Variants in SIPA1L3 observed in about 807,000 individuals in gnomAD.
The protein encoded by SIPA1L3 is signal induced proliferation associated 1 like 3, also known as signal-induced proliferation-associated 1-like protein 3.
Under a neutral mutation model 150.1 loss-of-function variants are expected in SIPA1L3, and 59 were observed. That is an observed-to-expected ratio of 0.39 (90% CI 0.32 to 0.49). The LOEUF is 0.49. Among genes scored for constraint, SIPA1L3 ranks in the 20% least tolerant of loss-of-function variants. SIPA1L3 has a pLI of 0.86. For missense variants in SIPA1L3, 2,211 were observed against 2,489.5 expected (o/e 0.89, Z 2.38); for synonymous variants, 1,070 against 1,077.6 (o/e 0.99, Z 0.14).
chr19:38,007,446 TG>T (rs1967975160), intron 1 of SIPA1L3, among the ~76,000 whole-genome samples: 1 of 111,764 alleles, frequency 8.9e-6, no homozygotes, highest in Non-Finnish European at 1.7e-5. Context: ...AGTGAAACTC[TG>T]TCTCAAAAAA....
intron 8 of SIPA1L3, among the ~76,000 whole-genome samples, chr19:38,111,412 C>T (rs536130830): frequency 2.1e-4 from 32 of 152,250 alleles, no homozygotes; most frequent in African/African-American, 4.6e-4. Flanking sequence ...GTGGAGTCAT[C>T]TCCTGTCCTC....
At chr19:37,914,520 C>T (rs1220975071) in intron 1 of SIPA1L3, among the ~76,000 whole-genome samples, 1 of 151,938 alleles carries the variant, frequency 6.6e-6, no homozygotes, top group Non-Finnish European at 1.5e-5. Context: ...CAGGAATGTG[C>T]CACCACACCT....
chr19:37,981,791 A>G (rs1967209789), intron 1 of SIPA1L3, among the ~76,000 whole-genome samples: 1 of 152,160 alleles, frequency 6.6e-6, no homozygotes, highest in Non-Finnish European at 1.5e-5. Context: ...TATTTAGGAA[A>G]GGAGGCCCTG....
At chr19:38,060,881 G>A (rs1039160435) in intron 2 of SIPA1L3, among the ~76,000 whole-genome samples, 4 of 152,196 alleles carry the variant, frequency 2.6e-5, no homozygotes, top group South Asian at 2.1e-4. Flanking sequence ...TAGTAGAGAC[G>A]GGATTTCATC....
intron 1 of SIPA1L3, among the ~76,000 whole-genome samples, chr19:37,987,220 G>A (rs1157449812): frequency 2.0e-5 from 3 of 152,062 alleles, no homozygotes; most frequent in Non-Finnish European, 4.4e-5. Flanking sequence ...GAGCCACCGC[G>A]CCCGGACACA....
chr19:38,029,435 G>C (rs1011403703), intron 2 of SIPA1L3, among the ~76,000 whole-genome samples: 2 of 152,164 alleles, frequency 1.3e-5, no homozygotes, highest in Non-Finnish European at 2.9e-5. Flanking sequence ...GCTATGCAGT[G>C]CTTCTTGGCT....
At chr19:38,151,868 T>G (rs1971831155) in intron 12 of SIPA1L3, among the ~76,000 whole-genome samples, 1 of 140,748 alleles carries the variant, frequency 7.1e-6, no homozygotes, top group Non-Finnish European at 1.5e-5. Flanking sequence ...GAGGCTGAAG[T>G]GGGAGGATCG....
At position 38,110,383 on chromosome 19, in the gene SIPA1L3, A is replaced by G; in HGVS notation, c.2290A>G (p.Ser764Gly). Residue 764 changes from serine (S) to glycine (G), a missense_variant and splice_region_variant, in exon 8 of 22, where the codon AGT becomes GGT. Physicochemically the swap from Ser to Gly is moderately conservative, Grantham distance 56 (BLOSUM62 0). This residue lies in a region of SIPA1L3 where 625 missense variants were observed against 804.2 expected (regional missense o/e 0.78). Coordinates refer to ENST00000222345, the MANE Select transcript of SIPA1L3 (RefSeq NM_015073.3). ...HNPCTDNVCY[S>G]MAVTRSKDAP... ...CCCCTGCACTGATAACGTCTGTTAC[A>G]GGTATGCCCCCCACACCCGGCCCCC... 3.1e-6 allele frequency: 5 copies of G among 1,612,048 alleles called. No homozygotes were observed. Among genetic ancestry groups the G allele is most frequent in the Non-Finnish European group, 4.2e-6 (5 of 1,178,478 alleles).
At chr19:38,100,798 G>A (rs568066570) in intron 5 of SIPA1L3, among the ~76,000 whole-genome samples, 28 of 152,288 alleles carry the variant, frequency 1.8e-4, no homozygotes, top group African/African-American at 4.6e-4. Flanking sequence ...ATCACCAGCC[G>A]TCCTCCACCC....
chr19:38,152,784 G>T (rs1372134738), intron 12 of SIPA1L3, 56 bp from the exon 13 acceptor site: 8 of 1,544,942 alleles, frequency 5.2e-6, no homozygotes, highest in Non-Finnish European at 7.0e-6. Flanking sequence ...AGGCTCAGGT[G>T]GTTTTCGACA....
chr19:37,995,081 G>A (rs1362958788), intron 1 of SIPA1L3, among the ~76,000 whole-genome samples: 7 of 152,128 alleles, frequency 4.6e-5, no homozygotes, highest in African/African-American at 1.7e-4. Flanking sequence ...TAGGGGAAAG[G>A]TTTCCTCTTC....
chr19:37,911,384 C>G (rs909046731), intron 1 of SIPA1L3, among the ~76,000 whole-genome samples: 1 of 152,076 alleles, frequency 6.6e-6, no homozygotes, highest in Non-Finnish European at 1.5e-5. Flanking sequence ...CATGTCCTTC[C>G]AAGTCATTAC....
intron 1 of SIPA1L3, among the ~76,000 whole-genome samples, chr19:38,013,005 C>T (rs1341456437): frequency 6.6e-6 from 1 of 152,196 alleles, no homozygotes; most frequent in East Asian, 1.9e-4. Context: ...TGCTGCAGGC[C>T]TCCTTTACCC....
At chr19:37,945,160 C>T (rs937383073) in intron 1 of SIPA1L3, among the ~76,000 whole-genome samples, 3 of 151,886 alleles carry the variant, frequency 2.0e-5, no homozygotes, top group Non-Finnish European at 4.4e-5. Context: ...ATGCAAAGTA[C>T]ATTGAAATTG....
intron 1 of SIPA1L3, among the ~76,000 whole-genome samples, chr19:38,001,662 A>G (rs1446559912): frequency 1.3e-5 from 2 of 152,192 alleles, no homozygotes; most frequent in Non-Finnish European, 2.9e-5. Context: ...CCTGGGCTCA[A>G]AGCAATCCTG....
chr19:38,037,842 C>T (rs1321080883), intron 2 of SIPA1L3, among the ~76,000 whole-genome samples: 1 of 152,110 alleles, frequency 6.6e-6, no homozygotes, highest in Non-Finnish European at 1.5e-5. Flanking sequence ...AGTCAGGCCC[C>T]CCACCTCCAA....
Position 38,164,513 on chromosome 19 carries a change from A to G in SIPA1L3, c.3815A>G (p.Asn1272Ser). 6.2e-7 allele frequency: 1 copy of G among 1,613,238 alleles called. No individual in the cohort carries two copies. ...EPQYSSHSSS[N>S]TLSSNASSSH... ...CAATACTCAAGTCATTCCAGCAGCA[A>G]CACCCTCTCCAGCAACGCATCCAGC... Residue 1272 changes from asparagine (N) to serine (S), a missense_variant, in exon 15 of 22, where the codon AAC becomes AGC. Asn to Ser is a conservative substitution (Grantham distance 46). Coordinates refer to ENST00000222345, the MANE Select transcript of SIPA1L3 (RefSeq NM_015073.3). This position sits in a 1 kb window ranked among gnomAD's most constrained non-coding sequence, Gnocchi z 4.1.
At chr19:38,076,892 G>A (rs892591577) in intron 2 of SIPA1L3, among the ~76,000 whole-genome samples, 5 of 152,134 alleles carry the variant, frequency 3.3e-5, no homozygotes, top group Admixed American at 1.3e-4. Flanking sequence ...TTTTTATCTC[G>A]TGTTGCAAAT....
Position 38,198,492 on chromosome 19 carries a change from C to T in SIPA1L3, c.4944C>T (p.Leu1648=), listed in dbSNP as rs772238338. 1.2e-5 allele frequency: 20 copies of T among 1,601,514 alleles called. No homozygotes were observed. The highest frequency in any genetic ancestry group is 1.1e-4 in the South Asian group (10 of 89,440). The part of the protein sequence containing the change: ...LMPLPDTAAG[L]EWSSLVNAAK... The stretch of plus-strand genomic sequence containing the variant: ...CCCTGCCTGACACAGCTGCTGGCCT[C>T]GAGTGGTCCAGCCTGGTGAACGCAG... The change falls in exon 19 of 22, where the codon CTC becomes CTT. Residue 1648 remains leucine, a synonymous_variant. Transcript: ENST00000222345.
Sources: gnomAD v4.1 joint callset for allele counts (sites outside exome capture counted in the v4.1 genomes callset) on GRCh38, gnomAD v4.1.1 for gene constraint, gnomAD v4.1.1 regional missense constraint, Gnocchi (gnomAD v3.1) non-coding constraint, MANE v1.5 for transcripts, NCBI Gene and HGNC (gene_info 2026-07-23, HGNC 2026-07-21) for gene names.